The following SON variants were observed in gnomAD, a reference collection of about 807,000 sequenced individuals.
The protein encoded by SON is SON DNA and RNA binding protein.
In SON, 4 loss-of-function variants were observed where a neutral mutation model predicts 173.3. That is an observed-to-expected ratio of 0.02 (90% CI 0.01 to 0.05). The LOEUF is 0.05. Ranked by LOEUF, SON falls within the 10% of genes least tolerant of loss-of-function variation. SON has a pLI of 1.00. For missense variants in SON, 2,626 were observed against 3,055.3 expected, an observed-to-expected ratio of 0.86 and a Z score of 3.31; for synonymous variants, 1,190 against 1,105.9, an observed-to-expected ratio of 1.08 and a Z score of -1.51.
chr21:33,543,235 A>G (rs2085501939), intron 1 of SON, 66 bp downstream of exon 1: 1 of 1,403,030 alleles, frequency 7.1e-7, no homozygotes, highest in South Asian at 1.2e-5. Context: ...CTTCTTTGGC[A>G]CCTTTCTTCG....
intron 6 of SON, chr21:33,560,157 T>C (rs2086044532): frequency 6.2e-7 from 1 of 1,600,668 alleles, no homozygotes; most frequent in African/African-American, 1.3e-5. Flanking sequence ...GAGGGATTGA[T>C]CGGAGAGGGC....
chr21:33,553,274 C>G lies in SON; in HGVS notation c.4043C>G (p.Ala1348Gly), dbSNP rs140237071. The change falls in exon 3 of 12, where the codon GCC becomes GGC. Residue 1348 changes from alanine to glycine, a missense_variant. Around this residue, in one of 13 missense-constraint regions of SON, gnomAD observed 1,006 missense variants for 895.6 expected, o/e 1.12. Coordinates refer to ENST00000356577, the MANE Select transcript of SON (RefSeq NM_138927.4). ...GCAGAGAGCATTCTGGAGCCGCCAG[C>G]CATGGCTGCCCCAGAGTCTTCAGCT... ...VLAESILEPP[A>G]MAAPESSAMA... 2 of 1,614,162 alleles carry G rather than the reference C, an allele frequency of 1.2e-6. No homozygotes were observed. The highest frequency in any genetic ancestry group is 8.5e-7 in the Non-Finnish European group (1 of 1,180,020).
At chr21:33,543,289 C>T in intron 1 of SON, 120 bp downstream of exon 1, 1 of 925,456 alleles carries the variant, frequency 1.1e-6, no homozygotes, top group South Asian at 1.4e-5. Context: ...AGGGCCCCGC[C>T]TGGGCCTGGG....
chr21:33,557,259 T>C lies in SON; in HGVS notation c.6264T>C (p.Thr2088=), dbSNP rs752112513. The part of the protein sequence containing the change: ...PPNLKPAPPP[T]IEEKVAKKSG... ...ACCTAAAGCCTGCACCTCCACCTAC[T>C]ATAGAAGAGAAAGTTGCTAAAAAGT... The change falls in exon 4 of 12, where the codon ACT becomes ACC. Residue 2088 remains threonine (T), a synonymous_variant. Coordinates refer to ENST00000356577, the MANE Select transcript of SON (RefSeq NM_138927.4). The C allele has an allele frequency of 8.1e-6, 13 of 1,613,650 alleles. No individual in the cohort carries two copies. The South Asian group carries it at 1.4e-4, about 18-fold the overall frequency.
At chr21:33,560,128 G>T (rs1329841931) in intron 6 of SON, 1 of 1,610,946 alleles carries the variant, frequency 6.2e-7, no homozygotes, top group African/African-American at 1.3e-5. Flanking sequence ...GATTTTGGTG[G>T]TAGCAAATTT....
At chr21:33,556,620 A>G (rs956001194) in intron 3 of SON, among the ~76,000 whole-genome samples, 1 of 151,858 alleles carries the variant, frequency 6.6e-6, no homozygotes, top group Non-Finnish European at 1.5e-5. Flanking sequence ...AGGCTGAGAC[A>G]GGAGAATCAC....
Position 33,550,116 on chromosome 21 carries a change from A to C in SON, c.885A>C (p.Pro295=), listed in dbSNP as rs545809028. The change falls in exon 3 of 12, where the codon CCA becomes CCC. Residue 295 remains proline, a synonymous_variant. Coordinates refer to ENST00000356577, the MANE Select transcript of SON (RefSeq NM_138927.4). ...EPSKIMLVEP[P]VAKVLEPSET... ...CAAAGATCATGTTGGTAGAGCCCCC[A>C]GTAGCAAAAGTGTTAGAGCCTTCAG... The C allele has an allele frequency of 4.2e-5, 67 of 1,614,190 alleles. No individual in the cohort carries two copies. Among genetic ancestry groups the C allele is most frequent in the South Asian group, 2.2e-4 (20 of 91,090 alleles).
Position 33,557,224 on chromosome 21 carries a change from T to C in SON, c.6229T>C (p.Leu2077=). ...CATGTGTGCTAAGGCTGGTGTCCCT[T>C]TACCACCAAACCTAAAGCCTGCACC... The part of the protein sequence containing the change: ...AAMCAKAGVP[L]PPNLKPAPPP... Residue 2077 remains leucine (L), a synonymous_variant, in exon 4 of 12, where the codon TTA becomes CTA. Transcript: ENST00000356577. 1 of 1,613,332 alleles carries C rather than the reference T, an allele frequency of 6.2e-7. No individual in the cohort carries two copies. Among genetic ancestry groups the C allele is most frequent in the Non-Finnish European group, 8.5e-7 (1 of 1,179,838 alleles).
Position 33,551,979 on chromosome 21 carries a change from A to T in SON, c.2748A>T (p.Leu916Phe). 1 of 1,613,994 alleles carries T rather than the reference A, an allele frequency of 6.2e-7. No homozygotes were observed. The highest frequency in any genetic ancestry group is 8.5e-7 in the Non-Finnish European group (1 of 1,179,864). The change falls in exon 3 of 12, where the codon TTA becomes TTT. Residue 916 changes from leucine to phenylalanine, a missense_variant. Leu to Phe is a conservative substitution (Grantham distance 22). Coordinates refer to ENST00000356577, the MANE Select transcript of SON (RefSeq NM_138927.4). ...LGSKSPDPYRLAQDPYRLAQD... is the reference protein window; with the variant it reads ...LGSKSPDPYRFAQDPYRLAQD... ...CAAAATCTCCTGATCCCTATAGGTT[A>T]GCTCAGGATCCTTACAGGTTAGCTC...
chr21:33,570,395 C>T (rs780767839), intron 8 of SON, among the ~76,000 whole-genome samples: 3 of 152,174 alleles, frequency 2.0e-5, no homozygotes, highest in Non-Finnish European at 2.9e-5. Flanking sequence ...GTTGATCTTA[C>T]TAACAAATTA....
chr21:33,550,798 G>A lies in SON; in HGVS notation c.1567G>A (p.Glu523Lys). The A allele has an allele frequency of 1.9e-6, 3 of 1,614,192 alleles. No individual in the cohort carries two copies. The highest frequency in any genetic ancestry group is 2.5e-6 in the Non-Finnish European group (3 of 1,180,014). The stretch of plus-strand genomic sequence containing the variant: ...GCAGCCTGTGGGGATGACAACGGTG[G>A]AACATCCTGGGCATCCTGAGGTGAC... ...LEQPVGMTTV[E>K]HPGHPEVTTA... Residue 523 changes from glutamate (E) to lysine (K), a missense_variant, in exon 3 of 12, where the codon GAA becomes AAA. Around this residue, in one of 13 missense-constraint regions of SON, gnomAD observed 757 missense variants for 730.1 expected, o/e 1.04. Transcript: ENST00000356577.
chr21:33,546,567 G>C (rs1299896562), intron 2 of SON, 188 bp downstream of exon 2: 1 of 404,426 alleles, frequency 2.5e-6, no homozygotes, highest in Non-Finnish European at 4.4e-6. Context: ...ATCACCTGAG[G>C]TCAGGAGTTC....
At position 33,553,676 on chromosome 21, in the gene SON, A is replaced by G; in HGVS notation, c.4445A>G (p.His1482Arg). The change falls in exon 3 of 12, where the codon CAT becomes CGT. Residue 1482 changes from histidine to arginine, a missense_variant. By Grantham distance (29) the His-to-Arg change is conservative. This residue lies in a region of SON where 1,006 missense variants were observed against 895.6 expected (regional missense o/e 1.12). Transcript: ENST00000356577. ...MILESSIMSS[H>R]VMKGINLSSG... ...CTGGAATCTAGTATCATGTCATCACATGTTATGAAAGGAATTAATCTATCC... is the reference window on the plus strand; with the variant it reads ...CTGGAATCTAGTATCATGTCATCACGTGTTATGAAAGGAATTAATCTATCC... 8.1e-6 allele frequency: 13 copies of G among 1,614,026 alleles called. No individual in the cohort carries two copies. Among genetic ancestry groups the G allele is most frequent in the East Asian group, 2.2e-5 (1 of 44,882 alleles).
chr21:33,575,489 C>T (rs1041709368), intron 9 of SON, 107 bp from the exon 10 acceptor site: 3 of 631,724 alleles, frequency 4.7e-6, no homozygotes, highest in Non-Finnish European at 8.2e-6. Flanking sequence ...TAGGAATCTG[C>T]TGATTTTATT....
intron 6 of SON, chr21:33,560,158 C>A: frequency 1.9e-6 from 3 of 1,598,216 alleles, no homozygotes; most frequent in South Asian, 2.3e-5. Context: ...AGGGATTGAT[C>A]GGAGAGGGCA....
intron 7 of SON, among the ~76,000 whole-genome samples, chr21:33,567,738 C>T (rs932097639): frequency 6.6e-6 from 1 of 151,956 alleles, no homozygotes; most frequent in Non-Finnish European, 1.5e-5. Flanking sequence ...GGTGATGAAA[C>T]CCCATCTCTA....
Position 33,553,370 on chromosome 21 carries a change from CTGTAACTGTCCTGGAGCCTTCGGT to C in SON, c.4143_4166del (p.Leu1384_Val1391del), listed in dbSNP as rs1173638161. 2 of 1,610,864 alleles carry C rather than the reference CTGTAACTGTCCTGGAGCCTTCGGT, an allele frequency of 1.2e-6. No individual in the cohort carries two copies. Among genetic ancestry groups the C allele is most frequent in the Non-Finnish European group, 1.7e-6 (2 of 1,177,448 alleles). On this transcript the variant is annotated inframe_deletion, in exon 3 of 12. Coordinates refer to ENST00000356577, the MANE Select transcript of SON (RefSeq NM_138927.4). Reference sequence around the variant, plus strand: ...ACTGTGACTGTCCTGGAGTCTTCGACTGTAACTGTCCTGGAGCCTTCGGTTGTGACTGTCCCGGAGCCTCCTGTT... The same window carrying C: ...ACTGTGACTGTCCTGGAGTCTTCGACTGTGACTGTCCCGGAGCCTCCTGTT...
chr21:33,554,397 T>G lies in SON; in HGVS notation c.5166T>G (p.Ser1722=). ...PKETLPDSGF[S]ANIEDINEAD... is the part of the protein sequence containing the mutation. ...AGACACTGCCTGATTCAGGATTTTC[T>G]GCCAATATTGAGGATATTAATGAAG... The change falls in exon 3 of 12, where the codon TCT becomes TCG. Residue 1722 remains serine, a synonymous_variant. Coordinates refer to ENST00000356577, the MANE Select transcript of SON (RefSeq NM_138927.4). 4.3e-6 allele frequency: 7 copies of G among 1,614,196 alleles called. No homozygotes were observed. The highest frequency in any genetic ancestry group is 5.9e-6 in the Non-Finnish European group (7 of 1,180,030).
At position 33,553,839 on chromosome 21, in the gene SON, A is replaced by G; in HGVS notation, c.4608A>G (p.Ile1536Met). Residue 1536 changes from isoleucine (I) to methionine (M), a missense_variant, in exon 3 of 12, where the codon ATA becomes ATG. By Grantham distance (10) the Ile-to-Met change is conservative. Transcript: ENST00000356577. ...ATGGTATAAATATAGACCTTAATATAAATAATCATTTAATTGCTAAAGAGA... is the reference window on the plus strand; with the variant it reads ...ATGGTATAAATATAGACCTTAATATGAATAATCATTTAATTGCTAAAGAGA... ...SEHGINIDLN[I>M]NNHLIAKEME... The G allele has an allele frequency of 6.2e-7, 1 of 1,613,876 alleles. No homozygotes were observed.
Sources: allele counts gnomAD v4.1 joint callset (sites outside exome capture counted in the v4.1 genomes callset), GRCh38; gene constraint gnomAD v4.1.1; regional missense constraint gnomAD v4.1.1; transcripts MANE v1.5; gene names NCBI Gene and HGNC (gene_info 2026-07-23, HGNC 2026-07-21).